Variants in RARB observed in about 807,000 individuals in gnomAD.
The protein encoded by RARB is retinoic acid receptor beta.
Under a neutral mutation model 51.9 loss-of-function variants are expected in RARB, and 17 were observed. That is an observed-to-expected ratio of 0.33 (90% confidence interval 0.22 to 0.49). RARB has a LOEUF of 0.49. Ranked by LOEUF, RARB falls within the 20% of genes least tolerant of loss-of-function variation. RARB has a pLI of 0.99. For missense variants in RARB, 369 were observed against 550.8 expected (o/e 0.67, Z 3.30); for synonymous variants, 215 against 195.4 (o/e 1.10, Z -0.84).
rs114252278 is a variant in RARB at position 25,051,953 on chromosome 3, A to G, written c.-379-8172A>G. Reference sequence around the variant, plus strand: ...TACCAATTTCTCTAACCCTCTCTCTACCTCCCAAATATATTTGACACTCAT... The same window carrying G: ...TACCAATTTCTCTAACCCTCTCTCTGCCTCCCAAATATATTTGACACTCAT... On this transcript the variant is annotated intron_variant, in intron 2 of 11. Transcript: ENST00000383772. Among the ~76,000 whole-genome samples the G allele has an allele frequency of 4.0e-3, 614 of 152,226 alleles. 2 individuals are homozygous for G. The highest frequency in any genetic ancestry group is 0.014 in the African/African-American group (586 of 41,534).
At chr3:25,225,315 A>T (rs935068651) in intron 5 of RARB, among the ~76,000 whole-genome samples, 1 of 152,140 alleles carries the variant, frequency 6.6e-6, no homozygotes, top group African/African-American at 2.4e-5. Context: ...CTGAGAGGAG[A>T]GGCATTTTAG....
chr3:25,042,564 T>C (rs965171914), intron 2 of RARB, among the ~76,000 whole-genome samples: 6 of 152,234 alleles, frequency 3.9e-5, no homozygotes, highest in African/African-American at 1.4e-4. Flanking sequence ...AGATATGATA[T>C]TAAATTAACA....
intron 2 of RARB, among the ~76,000 whole-genome samples, chr3:24,886,061 C>G (rs554090662): frequency 6.6e-6 from 1 of 152,274 alleles, no homozygotes; most frequent in Non-Finnish European, 1.5e-5. Flanking sequence ...GTTCTTCTGA[C>G]TTTATTTACA....
intron 2 of RARB, among the ~76,000 whole-genome samples, chr3:24,979,732 G>A (rs1185127232): frequency 6.6e-6 from 1 of 151,958 alleles, no homozygotes; most frequent in Non-Finnish European, 1.5e-5. Flanking sequence ...TATCCAGTTT[G>A]CCAGCCTGTG....
intron 3 of RARB, among the ~76,000 whole-genome samples, chr3:25,534,196 C>G (rs979192073): frequency 8.5e-5 from 13 of 152,316 alleles, no homozygotes; most frequent in African/African-American, 3.1e-4. Context: ...GAAAACCCAG[C>G]TTCACCATTT....
At chr3:25,514,758 C>G (rs369333126) in intron 3 of RARB, among the ~76,000 whole-genome samples, 2 of 152,022 alleles carry the variant, frequency 1.3e-5, no homozygotes, top group African/African-American at 4.8e-5. Context: ...ATGATATGGC[C>G]CTTCCAAAGG....
In RARB at chr3:25,134,494, G is replaced by T. The variant is rs76637647; in HGVS notation, c.-280+2286G>T. The stretch of plus-strand genomic sequence containing the variant: ...TAAGGATAAAATACCTTCCTAACAG[G>T]TTTATTGTGAGAATTAAATGAGCTA... On this transcript the variant is annotated intron_variant, in intron 4 of 11. Coordinates refer to the RARB transcript ENST00000383772. 5.5e-3 allele frequency among the ~76,000 whole-genome samples: 839 copies of T among 151,988 alleles called. 8 individuals are homozygous for T. The highest frequency in any genetic ancestry group is 0.019 in the African/African-American group (796 of 41,514).
chr3:25,583,068 T>C (rs1003684201), intron 5 of RARB, among the ~76,000 whole-genome samples: 2 of 151,958 alleles, frequency 1.3e-5, no homozygotes, highest in African/African-American at 2.4e-5. Flanking sequence ...GGAGTCTGGG[T>C]TGGGGTGCAA....
intron 5 of RARB, among the ~76,000 whole-genome samples, chr3:25,346,464 C>T (rs1705396844): frequency 6.6e-6 from 1 of 152,140 alleles, no homozygotes; most frequent in Non-Finnish European, 1.5e-5. Flanking sequence ...GATGGCTAAA[C>T]AAATTAACAT....
At chr3:25,361,889 G>A (rs116607405) in intron 5 of RARB, among the ~76,000 whole-genome samples, 5,383 of 152,172 alleles carry the variant, frequency 0.035, 128 homozygotes, top group Middle Eastern at 0.065. Context: ...TATGCCAGCT[G>A]GAGGTGTCCT....
intron 3 of RARB, among the ~76,000 whole-genome samples, chr3:25,123,190 A>G (rs764761968): frequency 1.5e-4 from 23 of 152,060 alleles, no homozygotes; most frequent in Admixed American, 1.3e-4. Context: ...GGCTCCATTC[A>G]TTGACAGGTT....
At chr3:25,066,629 A>ACC (rs1250199210) in intron 3 of RARB, among the ~76,000 whole-genome samples, 1 of 150,898 alleles carries the variant, frequency 6.6e-6, no homozygotes, top group Non-Finnish European at 1.5e-5. Context: ...ACACACACAC[A>ACC]CACCTTTCTC....
In RARB at chr3:25,342,425, A is replaced by G. The variant is rs373858269; in HGVS notation, c.179-118768A>G. The stretch of plus-strand genomic sequence containing the variant: ...CAAAGAATCTTCATCGGCTGCTAGG[A>G]CAGCCATTCAGTCTCACTTTCCCAT... On this transcript the variant is annotated intron_variant, in intron 5 of 11. Coordinates refer to the RARB transcript ENST00000383772. 5.3e-5 allele frequency among the ~76,000 whole-genome samples: 8 copies of G among 152,300 alleles called. No individual in the cohort carries two copies. In the South Asian group the frequency reaches 8.3e-4, roughly 16 times the overall value.
At chr3:25,596,376 T>C in intron 7 of RARB, 44 bp from the exon 8 acceptor site, 1 of 1,496,352 alleles carries the variant, frequency 6.7e-7, no homozygotes, top group Non-Finnish European at 9.2e-7. Context: ...TGTCATAGCT[T>C]AACTCCTTAT....
chr3:25,578,251 C>T (rs1012048529), intron 4 of RARB, among the ~76,000 whole-genome samples: 2 of 152,222 alleles, frequency 1.3e-5, no homozygotes, highest in African/African-American at 4.8e-5. Context: ...CCTATGAATC[C>T]AGCAGCCAGT....
At chr3:25,488,517 G>T (rs1011092052) in intron 2 of RARB, among the ~76,000 whole-genome samples, 3 of 149,006 alleles carry the variant, frequency 2.0e-5, no homozygotes, top group Non-Finnish European at 2.9e-5. Flanking sequence ...GCAAAATTAG[G>T]CTGAAACACC....
chr3:25,407,918 C>A (rs9883318), intron 5 of RARB, among the ~76,000 whole-genome samples: 63,331 of 151,952 alleles, frequency 0.42, 13,643 homozygotes, highest in East Asian at 0.72. Flanking sequence ...CAAGTGTACA[C>A]TTCATGTCTC....
chr3:24,847,908 G>A (rs74433766), intron 1 of RARB, among the ~76,000 whole-genome samples: 8,449 of 152,256 alleles, frequency 0.055, 420 homozygotes, highest in East Asian at 0.22. Context: ...GACCAGGGGT[G>A]CCCCATAGCC....
At chr3:25,503,433 T>C (rs1316312570) in intron 3 of RARB, among the ~76,000 whole-genome samples, 1 of 152,188 alleles carries the variant, frequency 6.6e-6, no homozygotes, top group Non-Finnish European at 1.5e-5. Flanking sequence ...CATTATTTTG[T>C]GTGGGCTGGA....
Sources: gnomAD v4.1 joint callset for allele counts (sites outside exome capture counted in the v4.1 genomes callset) on GRCh38, gnomAD v4.1.1 for gene constraint, MANE v1.5 for transcripts, NCBI Gene and HGNC (gene_info 2026-07-23, HGNC 2026-07-21) for gene names.